Variants in UNC13C observed in about 807,000 individuals in gnomAD.
UNC13C encodes protein unc-13 homolog C.
A neutral mutation model predicts 245.4 loss-of-function variants in UNC13C; 174 were observed. That is an observed-to-expected ratio of 0.71 (90% CI 0.63 to 0.80). The LOEUF is 0.80. Ranked by LOEUF, UNC13C falls within the 30% of genes least tolerant of loss-of-function variation. The probability of loss-of-function intolerance (pLI) is 0.00; values close to 1 mark genes in which losing one functional copy is unlikely to be tolerated. For missense variants in UNC13C, 2,829 were observed against 2,602.9 expected (o/e 1.09, Z -1.89); for synonymous variants, 992 against 895.1 (o/e 1.11, Z -1.93).
chr15:54,081,607 GC>G (rs1898943260), intron 2 of UNC13C, among the ~76,000 whole-genome samples: 1 of 78,248 alleles, frequency 1.3e-5, no homozygotes, highest in Non-Finnish European at 4.3e-5. Flanking sequence ...AGCAATCCCT[GC>G]TTTTTTTTTT....
chr15:54,386,339 G>A (rs2039836619), intron 17 of UNC13C, among the ~76,000 whole-genome samples: 1 of 152,180 alleles, frequency 6.6e-6, no homozygotes, highest in Non-Finnish European at 1.5e-5. Flanking sequence ...TAGCAATAAA[G>A]TCAGCTACCA....
intron 2 of UNC13C, among the ~76,000 whole-genome samples, chr15:54,077,319 T>G (rs1236076572): frequency 6.6e-6 from 1 of 151,824 alleles, no homozygotes; most frequent in Non-Finnish European, 1.5e-5. Context: ...TCAGCAAGAT[T>G]TTCATTCTTA....
At chr15:54,089,258 G>A (rs142324755) in intron 2 of UNC13C, among the ~76,000 whole-genome samples, 187 of 152,304 alleles carry the variant, frequency 1.2e-3, no homozygotes, top group Non-Finnish European at 2.1e-3. Flanking sequence ...CCTAGTACTA[G>A]TGCAGTGCCT....
the UNC13C span, among the ~76,000 whole-genome samples, chr15:53,880,681 A>C: frequency 6.6e-6 from 1 of 151,142 alleles, no homozygotes. Context: ...CTTTAAAAGC[A>C]AGTTGCTTTG....
Position 54,265,457 on chromosome 15 carries a change from T to A in UNC13C, c.3779T>A (p.Phe1260Tyr). The change falls in exon 10 of 33, where the codon TTT becomes TAT. Residue 1260 changes from phenylalanine (F) to tyrosine (Y), a missense_variant. By Grantham distance (22) the Phe-to-Tyr change is conservative. Coordinates refer to ENST00000260323, the MANE Select transcript of UNC13C (RefSeq NM_001080534.3). ...GKNKRRTKTIFGNLNPVWDEK... is the reference protein window; with the variant it reads ...GKNKRRTKTIYGNLNPVWDEK... ...AACAAAAGAAGAACAAAAACCATTT[T>A]TGGAAATTTGAATCCAGTATGGGAT... 1.3e-6 allele frequency: 2 copies of A among 1,564,206 alleles called. No homozygotes were observed. The highest frequency in any genetic ancestry group is 1.7e-6 in the Non-Finnish European group (2 of 1,151,700).
At position 54,265,386 on chromosome 15, in the gene UNC13C, TA is replaced by T; in HGVS notation, c.3712del (p.Thr1238GlnfsTer26). 6.3e-7 allele frequency: 1 copy of T among 1,587,188 alleles called. No homozygotes were observed. Among genetic ancestry groups the T allele is most frequent in the Non-Finnish European group, 8.6e-7 (1 of 1,164,846 alleles). On this transcript the variant is annotated frameshift_variant, in exon 10 of 33. Transcript: ENST00000260323. LOFTEE classifies it high-confidence loss of function. ...CTGCACAGGGTCTACAGGCAAAAGA[TA>T]AAACAGGGTCTAGTGATCCATATGT... ...VSAQGLQAKD[K>X]TGSSDPYVTV... is the part of the protein sequence containing the mutation.
chr15:54,627,272 A>G lies in UNC13C; in HGVS notation c.*159A>G, dbSNP rs1901237052. On this transcript the variant is annotated 3_prime_UTR_variant, in exon 33 of 33. Coordinates refer to ENST00000260323, the MANE Select transcript of UNC13C (RefSeq NM_001080534.3). ...AAAAACCTGCTGAACTTTTATACCA[A>G]TTCTGGTCTTTGGGAAATCAGTGTT... 2 of 698,010 alleles carry G rather than the reference A, an allele frequency of 2.9e-6. No homozygotes were observed. The allele number at this position is 698,010 out of a possible 1,614,324, so 43.2% of individuals were successfully genotyped here. A position where few individuals can be genotyped will look rare whatever the true frequency, so the allele number is the denominator to read the frequency against.
chr15:53,916,585 C>T, the UNC13C span, among the ~76,000 whole-genome samples: 3 of 152,126 alleles, frequency 2.0e-5, no homozygotes, highest in Non-Finnish European at 2.9e-5. Context: ...CTTGCATCGT[C>T]GAGCACCTAG....
At chr15:53,909,093 T>A in the UNC13C span, among the ~76,000 whole-genome samples, 1 of 146,478 alleles carries the variant, frequency 6.8e-6, no homozygotes, top group African/African-American at 2.4e-5. Context: ...CAATGTAAAC[T>A]AAGTTTCCCT....
chr15:54,214,438 A>G (rs1244605990), intron 4 of UNC13C, among the ~76,000 whole-genome samples: 9 of 151,934 alleles, frequency 5.9e-5, no homozygotes, highest in Admixed American at 3.3e-4. Context: ...CTGTGAAACT[A>G]TATAAGAGGA....
At chr15:54,001,695 T>C (rs1894895518) in intron 1 of UNC13C, among the ~76,000 whole-genome samples, 1 of 152,186 alleles carries the variant, frequency 6.6e-6, no homozygotes, top group Non-Finnish European at 1.5e-5. Flanking sequence ...ATTATAGCAA[T>C]ATGAGGAAGG....
chr15:53,918,628 A>C, the UNC13C span, among the ~76,000 whole-genome samples: 1 of 152,108 alleles, frequency 6.6e-6, no homozygotes, highest in African/African-American at 2.4e-5. Flanking sequence ...CTGATATTAC[A>C]CATTGTCTAA....
chr15:54,497,995 C>T (rs1320698023), intron 20 of UNC13C, among the ~76,000 whole-genome samples: 1 of 151,968 alleles, frequency 6.6e-6, no homozygotes, highest in African/African-American at 2.4e-5. Context: ...GACAACAGGA[C>T]TAAATAACTA....
chr15:54,339,358 C>T (rs1025988976), intron 17 of UNC13C, among the ~76,000 whole-genome samples: 1 of 152,034 alleles, frequency 6.6e-6, no homozygotes, highest in Non-Finnish European at 1.5e-5. Context: ...GATTTCGGTG[C>T]ACCCATCACC....
chr15:54,173,085 A>C (rs894471340), intron 4 of UNC13C, among the ~76,000 whole-genome samples: 1 of 151,858 alleles, frequency 6.6e-6, no homozygotes, highest in Non-Finnish European at 1.5e-5. Context: ...CCTGTTCACT[A>C]ATCTTTGTGA....
chr15:53,982,133 T>C (rs1394288966), intron 1 of UNC13C, among the ~76,000 whole-genome samples: 1 of 152,120 alleles, frequency 6.6e-6, no homozygotes, highest in Non-Finnish European at 1.5e-5. Flanking sequence ...TTTCAAATAT[T>C]TTCTTGTCTC....
At chr15:54,113,987 T>C (rs1230925963) in intron 2 of UNC13C, among the ~76,000 whole-genome samples, 1 of 152,178 alleles carries the variant, frequency 6.6e-6, no homozygotes, top group Non-Finnish European at 1.5e-5. Context: ...TTCACACCTC[T>C]GAAAGGCTTA....
At chr15:53,990,943 G>T (rs983186648) in intron 1 of UNC13C, among the ~76,000 whole-genome samples, 3 of 152,020 alleles carry the variant, frequency 2.0e-5, no homozygotes, top group Admixed American at 2.0e-4. Flanking sequence ...CCTATATAAT[G>T]ACAGAGAACG....
Position 54,013,025 on chromosome 15 carries a change from A to T in UNC13C, c.122A>T (p.Asp41Val). 1 of 1,613,898 alleles carries T rather than the reference A, an allele frequency of 6.2e-7. No homozygotes were observed. Among genetic ancestry groups the T allele is most frequent in the Non-Finnish European group, 8.5e-7 (1 of 1,179,836 alleles). Residue 41 changes from aspartate (D) to valine (V), a missense_variant, in exon 2 of 33, where the codon GAT becomes GTT. Physicochemically the swap from Asp to Val is radical, Grantham distance 152. Coordinates refer to ENST00000260323, the MANE Select transcript of UNC13C (RefSeq NM_001080534.3). ...KNKEYRQQKKDQDFPTAGQTK... is the reference protein window; with the variant it reads ...KNKEYRQQKKVQDFPTAGQTK... ...AAAGAGTATCGTCAGCAGAAAAAGG[A>T]TCAAGACTTCCCCACTGCTGGCCAG...
Sources: allele counts gnomAD v4.1 joint callset (sites outside exome capture counted in the v4.1 genomes callset), GRCh38; gene constraint gnomAD v4.1.1; transcripts MANE v1.5; gene names NCBI Gene and HGNC (gene_info 2026-07-23, HGNC 2026-07-21).